VDAC1: variants seen among roughly 807,000 people sequenced by gnomAD.
The protein encoded by VDAC1 is voltage dependent anion channel 1.
Under a neutral mutation model 34.7 loss-of-function variants are expected in VDAC1, and 10 were observed. The observed-to-expected ratio is 0.29, with a 90% CI of 0.18 to 0.49. The LOEUF (loss-of-function observed/expected upper bound fraction) is 0.49. VDAC1 is among the 20% of genes least tolerant of loss of function. The pLI is 0.99. For missense variants in VDAC1, 230 were observed against 347.9 expected (o/e 0.66, Z 2.69); for synonymous variants, 130 against 136.0 (o/e 0.96, Z 0.30).
At chr5:134,031,352 C>T in the VDAC1 span, among the ~76,000 whole-genome samples, 1 of 152,076 alleles carries the variant, frequency 6.6e-6, no homozygotes, top group Non-Finnish European at 1.5e-5. Context: ...CAAAGATATA[C>T]AGGTCCTAAT....
chr5:134,094,569 C>T, the VDAC1 span, among the ~76,000 whole-genome samples: 3 of 152,158 alleles, frequency 2.0e-5, no homozygotes, highest in South Asian at 4.1e-4. Flanking sequence ...TGGCGGCGGA[C>T]GCCTGTAGTC....
the VDAC1 span, among the ~76,000 whole-genome samples, chr5:134,055,605 T>TTG: frequency 7.2e-6 from 1 of 139,264 alleles, no homozygotes; most frequent in African/African-American, 2.8e-5. Flanking sequence ...TTTTTTTTTT[T>TTG]TTTTTTTTTT....
chr5:134,060,880 C>CTTTTTTTTTTTTTTTTTTTTTTTTT, the VDAC1 span, among the ~76,000 whole-genome samples: 1 of 98,682 alleles, frequency 1.0e-5, no homozygotes, highest in Non-Finnish European at 1.9e-5. Flanking sequence ...TCTTCTTCTT[C>CTTTTTTTTTTTTTTTTTTTTTTTTT]TTTTTTTTTT....
intron 6 of VDAC1, among the ~76,000 whole-genome samples, chr5:133,979,622 G>A (rs1256097790): frequency 6.6e-6 from 1 of 151,844 alleles, no homozygotes; most frequent in Non-Finnish European, 1.5e-5. Context: ...TAGAGATGGG[G>A]TTTCACCTTC....
chr5:134,034,724 C>A, the VDAC1 span, among the ~76,000 whole-genome samples: 1 of 151,998 alleles, frequency 6.6e-6, no homozygotes, highest in African/African-American at 2.4e-5. Flanking sequence ...ATGCTGGGAC[C>A]GAGCTGGTGA....
chr5:134,040,790 G>A, the VDAC1 span, among the ~76,000 whole-genome samples: 1 of 152,168 alleles, frequency 6.6e-6, no homozygotes, highest in African/African-American at 2.4e-5. Flanking sequence ...ATCCTTTGAA[G>A]AACAACCCAG....
chr5:134,004,651 G>A (rs1168954543), intron 1 of VDAC1: 4 of 151,956 alleles, frequency 2.6e-5, no homozygotes, highest in Non-Finnish European at 5.9e-5. Context: ...GCCTACCTCA[G>A]AGGATGTGGC....
At chr5:134,103,167 G>A in the VDAC1 span, among the ~76,000 whole-genome samples, 2 of 152,114 alleles carry the variant, frequency 1.3e-5, no homozygotes, top group African/African-American at 4.8e-5. Flanking sequence ...TGTCACCCAG[G>A]CTGGAGTGCA....
intron 5 of VDAC1, 103 bp downstream of exon 5, chr5:133,990,752 T>G: frequency 7.3e-7 from 1 of 1,378,396 alleles, no homozygotes; most frequent in East Asian, 2.4e-5. Context: ...TCGGAGACCA[T>G]ATTTTAGGTG....
chr5:133,980,018 G>A (rs28517596), intron 6 of VDAC1, among the ~76,000 whole-genome samples: 4 of 152,132 alleles, frequency 2.6e-5, no homozygotes, highest in Non-Finnish European at 5.9e-5. Context: ...TTTGCCTTAA[G>A]TTTAAGAAGT....
the VDAC1 span, among the ~76,000 whole-genome samples, chr5:134,085,194 G>A: frequency 6.6e-6 from 1 of 151,736 alleles, no homozygotes; most frequent in African/African-American, 2.4e-5. Flanking sequence ...TCAGCCTCCC[G>A]AGTAGCTGGG....
At chr5:134,037,162 GAAAGTCAGATGGAAGA>G in the VDAC1 span, among the ~76,000 whole-genome samples, 2 of 152,154 alleles carry the variant, frequency 1.3e-5, no homozygotes, top group African/African-American at 4.8e-5. Flanking sequence ...GACAAGAAGT[GAAAGTCAGATGGAAGA>G]AACGAGGCCC....
the VDAC1 span, among the ~76,000 whole-genome samples, chr5:134,093,195 T>C: frequency 6.6e-6 from 1 of 152,202 alleles, no homozygotes. Flanking sequence ...AGGTTAGATG[T>C]AAAGAGAACC....
the VDAC1 span, among the ~76,000 whole-genome samples, chr5:134,018,877 T>A: frequency 2.6e-5 from 4 of 152,088 alleles, no homozygotes; most frequent in Non-Finnish European, 4.4e-5. Context: ...AGGTCCCAAG[T>A]CTAGGGTGAA....
At chr5:134,043,717 G>C in the VDAC1 span, among the ~76,000 whole-genome samples, 3 of 151,990 alleles carry the variant, frequency 2.0e-5, no homozygotes, top group Non-Finnish European at 2.9e-5. Flanking sequence ...ATGTTTTGTA[G>C]AGATGGGGTC....
In VDAC1 at chr5:133,980,857, A is replaced by C. The variant is rs752766578; in HGVS notation, c.423T>G (p.Ala141=). The C allele has an allele frequency of 1.2e-5, 19 of 1,613,724 alleles. No individual in the cohort carries two copies. Among genetic ancestry groups the C allele is most frequent in the Non-Finnish European group, 1.6e-5 (19 of 1,179,958 alleles). The part of the protein sequence containing the change: ...FDIAGPSIRG[A]LVLGYEGWLA... The stretch of plus-strand genomic sequence containing the variant: ...GCCAGCCCTCGTAACCTAGCACCAG[A>C]GCACCCCGGATGGAAGGCCCAGCAA... The change falls in exon 6 of 9, where the codon GCT becomes GCG. Residue 141 remains alanine, a synonymous_variant. Coordinates refer to ENST00000265333, the MANE Select transcript of VDAC1 (RefSeq NM_003374.3).
chr5:134,045,576 T>C, the VDAC1 span, among the ~76,000 whole-genome samples: 2 of 152,152 alleles, frequency 1.3e-5, no homozygotes, highest in African/African-American at 4.8e-5. Flanking sequence ...CATTGTCTCA[T>C]CTCTTCTAAT....
chr5:133,977,823 T>A (rs190893574), intron 6 of VDAC1, among the ~76,000 whole-genome samples: 1 of 152,318 alleles, frequency 6.6e-6, no homozygotes, highest in East Asian at 1.9e-4. Flanking sequence ...CTGCTTTTCA[T>A]AGGCCCATCT....
rs1282153908 is a variant in VDAC1, at chr5:134,004,775, G to C, written c.-7+120C>G. 3 of 149,462 alleles carry C rather than the reference G, an allele frequency of 2.0e-5. No individual in the cohort carries two copies. The East Asian group carries it at 5.9e-4, about 29-fold the overall frequency. 9.3% of individuals were successfully genotyped at this position (149,462 alleles called of 1,614,324 possible). A position where few individuals can be genotyped will look rare whatever the true frequency, so the allele number is the denominator to read the frequency against. ...AGGGCGGGGCGGCGCGGACGGCGGC[G>C]GCGCGGACCCGCCTCCCCTCCTGCG... On this transcript the variant is annotated intron_variant, in intron 1 of 8. Coordinates refer to ENST00000265333, the MANE Select transcript of VDAC1 (RefSeq NM_003374.3).
Sources: allele counts gnomAD v4.1 joint callset (sites outside exome capture counted in the v4.1 genomes callset), GRCh38; gene constraint gnomAD v4.1.1; transcripts MANE v1.5; gene names NCBI Gene and HGNC (gene_info 2026-07-23, HGNC 2026-07-21).